BRD8: variants seen among roughly 807,000 people sequenced by gnomAD.
The protein encoded by BRD8 is bromodomain containing 8.
A neutral mutation model predicts 143.1 loss-of-function variants in BRD8; 67 were observed. The ratio of observed to expected loss-of-function variants is 0.47; its 90% CI spans 0.38 to 0.57. The LOEUF is 0.57. BRD8 is among the 20% of genes least tolerant of loss of function. BRD8 has a pLI of 0.00. For synonymous variants in BRD8, 505 were observed against 517.1 expected (o/e 0.98, Z 0.32); for missense variants, 1,103 against 1,503.0 (o/e 0.73, Z 4.40).
At position 138,140,737 on chromosome 5, in the gene BRD8, C is replaced by T. The variant is rs781730615; in HGVS notation, c.3583G>A (p.Glu1195Lys). 6.2e-7 allele frequency: 1 copy of T among 1,614,180 alleles called. No individual in the cohort carries two copies. ...SDHHVYHMAV[E>K]MRQEVLEQIQ... ...TGCTCCAGGACTTCTTGCCGCATCT[C>T]CACAGCCATATGGTATACATGATGA... The change falls in exon 26 of 27, where the codon GAG becomes AAG. Residue 1195 changes from glutamate to lysine, a missense_variant. This residue lies in a region of BRD8 where 369 missense variants were observed against 445.5 expected (regional missense o/e 0.83). Coordinates refer to ENST00000254900, the MANE Select transcript of BRD8 (RefSeq NM_139199.2).
chr5:138,153,612 A>T (rs1752450583), intron 20 of BRD8, among the ~76,000 whole-genome samples: 1 of 150,690 alleles, frequency 6.6e-6, no homozygotes, highest in South Asian at 2.1e-4. Flanking sequence ...CATTTCCTTT[A>T]TCTCCAAAAT....
chr5:138,171,415 T>TAAAAAAAAAAAAAAAAA lies in BRD8; in HGVS notation c.187-6_187-5insTTTTTTTTTTTTTTTTT. ...CGAGTACTGGGAAGCACAATGCTAT[T>TAAAAAAAAAAAAAAAAA]AAAAAAAAAAAAAAAAGTGAAAATG... On this transcript the variant is annotated splice_polypyrimidine_tract_variant and splice_region_variant and intron_variant, in intron 3 of 26. Coordinates refer to ENST00000254900, the MANE Select transcript of BRD8 (RefSeq NM_139199.2). 1 of 1,346,186 alleles carries TAAAAAAAAAAAAAAAAA rather than the reference T, an allele frequency of 7.4e-7. No individual in the cohort carries two copies. 83.4% of individuals were successfully genotyped at this position (1,346,186 alleles called of 1,614,324 possible).
At position 138,160,108 on chromosome 5, in the gene BRD8, T is replaced by G; in HGVS notation, c.2493A>C (p.Arg831=). ...SESGISAKSL[R]GRDSTRKQDA... is the part of the protein sequence containing the mutation. ...CCTGTTTGCGGGTAGAATCTCTCCC[T>G]CGAAGACTTTTAGCACTGATCCCAG... Residue 831 remains arginine, a synonymous_variant, in exon 19 of 27, where the codon CGA becomes CGC. Coordinates refer to ENST00000254900, the MANE Select transcript of BRD8 (RefSeq NM_139199.2). The G allele has an allele frequency of 3.1e-6, 5 of 1,614,160 alleles. No individual in the cohort carries two copies. Among genetic ancestry groups the G allele is most frequent in the Non-Finnish European group, 4.2e-6 (5 of 1,180,022 alleles).
rs762695082 is a variant in BRD8, at chr5:138,150,738, T to C, written c.3120+7A>G. ...AACAAGACAGCTGATTTAAGTTACT[T>C]TCTTACCTCTTCACTCTCTGTGAGT... On this transcript the variant is annotated splice_region_variant and intron_variant, in intron 22 of 26. Coordinates refer to ENST00000254900, the MANE Select transcript of BRD8 (RefSeq NM_139199.2). The C allele has an allele frequency of 5.0e-6, 8 of 1,600,760 alleles. No individual in the cohort carries two copies. The Admixed American group carries it at 1.2e-4, about 24-fold the overall frequency.
intron 18 of BRD8, 127 bp from the exon 19 acceptor site, chr5:138,160,300 T>A (rs2151196549): frequency 3.0e-6 from 2 of 670,854 alleles, no homozygotes; most frequent in Middle Eastern, 2.7e-4. Context: ...TTTGACTGAT[T>A]GGAAGTTTAG....
chr5:138,165,970 G>A lies in BRD8; in HGVS notation c.1136C>T (p.Ala379Val), dbSNP rs1753383894. ...GCTGGGAGCCTTTGATCCAACAGGA[G>A]CCTCTGCTACCCCTGATCGAAAACA... Reference protein sequence around the residue: ...EECFRSGVAEAPVGSKAPSID... With the variant: ...EECFRSGVAEVPVGSKAPSID... Residue 379 changes from alanine (A) to valine (V), a missense_variant, in exon 11 of 27, where the codon GCT becomes GTT. Physicochemically the swap from Ala to Val is moderately conservative, Grantham distance 64. Transcript: ENST00000254900. 4 of 1,614,110 alleles carry A rather than the reference G, an allele frequency of 2.5e-6. No individual in the cohort carries two copies. In the East Asian group the frequency reaches 8.9e-5, roughly 36 times the overall value.
chr5:138,161,877 A>T lies in BRD8; in HGVS notation c.2181-13T>A. 6.2e-7 allele frequency: 1 copy of T among 1,613,790 alleles called. No homozygotes were observed. The highest frequency in any genetic ancestry group is 8.5e-7 in the Non-Finnish European group (1 of 1,179,748). On this transcript the variant is annotated splice_polypyrimidine_tract_variant and intron_variant, in intron 16 of 26. Coordinates refer to ENST00000254900, the MANE Select transcript of BRD8 (RefSeq NM_139199.2). ...GACATTGGCATACCTGTCCAAAAGG[A>T]ATAAGGTGCAATTACTGACATTCTC... is the stretch of plus-strand genomic sequence containing the variant.
chr5:138,150,015 C>A (rs1050112154), intron 22 of BRD8, among the ~76,000 whole-genome samples: 7 of 152,112 alleles, frequency 4.6e-5, no homozygotes, highest in Non-Finnish European at 1.0e-4. Context: ...CCACTCACCT[C>A]CAGCAAAATG....
chr5:138,165,221 A>C, intron 11 of BRD8, 55 bp from the exon 12 acceptor site: 2 of 1,548,452 alleles, frequency 1.3e-6, no homozygotes, highest in Admixed American at 2.1e-5. Context: ...CAAGTCCTTC[A>C]ATTTTTGTTA....
intron 11 of BRD8, 129 bp downstream of exon 11, chr5:138,165,699 C>G: frequency 1.8e-6 from 2 of 1,082,498 alleles, no homozygotes; most frequent in Non-Finnish European, 2.6e-6. Flanking sequence ...GCACTTCAGC[C>G]TGGATGAAAG....
chr5:138,177,458 A>G (rs1372782794), intron 2 of BRD8, 113 bp downstream of exon 2: 1 of 672,746 alleles, frequency 1.5e-6, no homozygotes, highest in Non-Finnish European at 2.6e-6. Context: ...AAGAAGAAAA[A>G]GAAAAGAAAG....
At chr5:138,142,759 CAA>C (rs35529846) in intron 25 of BRD8, among the ~76,000 whole-genome samples, 1,479 of 83,812 alleles carry the variant, frequency 0.018, 14 homozygotes, top group African/African-American at 0.044. Context: ...AAGACTGTCT[CAA>C]AAAAAAAAAA....
chr5:138,176,758 A>G (rs1561624323), intron 2 of BRD8, among the ~76,000 whole-genome samples: 1 of 152,062 alleles, frequency 6.6e-6, no homozygotes, highest in Non-Finnish European at 1.5e-5. Context: ...CATTTTAAGT[A>G]GGTTAATTTT....
intron 11 of BRD8, 102 bp downstream of exon 11, chr5:138,165,726 C>CAAA (rs374362323): frequency 3.9e-4 from 369 of 945,788 alleles, no homozygotes; most frequent in South Asian, 7.3e-4. Context: ...ACTCTGTCTC[C>CAAA]AAAAAAAAAA....
chr5:138,160,007 T>C (rs1561606703), intron 19 of BRD8, 62 bp downstream of exon 19: 6 of 1,272,990 alleles, frequency 4.7e-6, no homozygotes, highest in South Asian at 3.6e-5. Flanking sequence ...TAAGGGTCCT[T>C]GGATGCTTCA....
chr5:138,155,092 A>T (rs979982960), intron 20 of BRD8, among the ~76,000 whole-genome samples: 31 of 151,972 alleles, frequency 2.0e-4, no homozygotes, highest in Non-Finnish European at 4.1e-4. Context: ...TGGCCTCCCA[A>T]AGTGCTGGGA....
At chr5:138,145,935 TC>T in intron 23 of BRD8, 57 bp from the exon 24 acceptor site, 1 of 1,436,010 alleles carries the variant, frequency 7.0e-7, no homozygotes, top group Non-Finnish European at 9.8e-7. Flanking sequence ...ATATTCTATC[TC>T]CCCCAGGTGG....
chr5:138,153,883 C>T (rs867557247), intron 20 of BRD8, among the ~76,000 whole-genome samples: 1 of 151,974 alleles, frequency 6.6e-6, no homozygotes, highest in African/African-American at 2.4e-5. Flanking sequence ...ACCATGTTGA[C>T]TAGGCTGGTC....
chr5:138,163,990 G>T, intron 14 of BRD8, 97 bp downstream of exon 14: 1 of 1,402,770 alleles, frequency 7.1e-7, no homozygotes, highest in Non-Finnish European at 1.0e-6. Flanking sequence ...TCTCTTATCA[G>T]AGAATAAAGA....
Sources: gnomAD v4.1 joint callset for allele counts (sites outside exome capture counted in the v4.1 genomes callset) on GRCh38, gnomAD v4.1.1 for gene constraint, gnomAD v4.1.1 regional missense constraint, MANE v1.5 for transcripts, NCBI Gene and HGNC (gene_info 2026-07-23, HGNC 2026-07-21) for gene names.